The following KIAA1755 variants were observed in gnomAD, a reference collection of about 807,000 sequenced individuals.
The protein encoded by KIAA1755 is KIAA1755, also known as uncharacterized protein KIAA1755.
In KIAA1755, 68 loss-of-function variants were observed where a neutral mutation model predicts 91.7. That is an observed-to-expected ratio of 0.74 (90% CI 0.61 to 0.91). The LOEUF (loss-of-function observed/expected upper bound fraction) is 0.91. Among genes scored for constraint, KIAA1755 ranks in the 40% least tolerant of loss-of-function variants. KIAA1755 has a pLI of 0.00. For missense variants in KIAA1755, 1,535 were observed against 1,494.4 expected (o/e 1.03, Z -0.45); for synonymous variants, 610 against 604.6 (o/e 1.01, Z -0.13).
chr20:38,241,777 GCAGA>G lies in KIAA1755; in HGVS notation c.350_353del (p.Val117AlafsTer3). 2 of 1,614,214 alleles carry G rather than the reference GCAGA, an allele frequency of 1.2e-6. No homozygotes were observed. The highest frequency in any genetic ancestry group is 8.5e-7 in the Non-Finnish European group (1 of 1,180,040). ...CCAGGGAGAGGCATTTGATCATGAT[GCAGA>G]CAGACTGCTCCTCCTGGGGCTCCAC... On this transcript the variant is annotated frameshift_variant, in exon 3 of 14. Transcript: ENST00000279024. LOFTEE classifies it high-confidence loss of function.
intron 13 of KIAA1755, chr20:38,216,896 A>G (rs1193682771): frequency 1.4e-5 from 7 of 509,558 alleles, no homozygotes; most frequent in South Asian, 1.1e-4. Flanking sequence ...ATCTGTCGTC[A>G]TTTCTCTTCT....
rs777300697 is a variant in KIAA1755 at position 38,241,644 on chromosome 20, G to C, written c.487C>G (p.His163Asp). Residue 163 changes from histidine to aspartate, a missense_variant, in exon 3 of 14, where the codon CAC becomes GAC. By Grantham distance (81) the His-to-Asp change is moderately conservative. Transcript: ENST00000279024. ...INSDFEGNPL[H>D]NCLVASENGI... is the part of the protein sequence containing the mutation. ...TTTTCTGATGCTACCAAGCAGTTGT[G>C]TAGGGGATTTCCCTCAAAGTCACTG... 2 of 1,614,268 alleles carry C rather than the reference G, an allele frequency of 1.2e-6. No individual in the cohort carries two copies. Among genetic ancestry groups the C allele is most frequent in the Admixed American group, 3.3e-5 (2 of 60,034 alleles).
Position 38,246,129 on chromosome 20 carries a change from G to A in KIAA1755, c.4-3C>T. ...GCTGTGTCGAGGGATGGAGGGTCCT[G>A]TGGGGGACAGGAGGAGGGGGTGATA... is the stretch of plus-strand genomic sequence containing the variant. On this transcript the variant is annotated splice_polypyrimidine_tract_variant and splice_region_variant and intron_variant, in intron 1 of 13. Transcript: ENST00000279024. 1 of 1,612,010 alleles carries A rather than the reference G, an allele frequency of 6.2e-7. No individual in the cohort carries two copies. The highest frequency in any genetic ancestry group is 8.5e-7 in the Non-Finnish European group (1 of 1,179,410).
chr20:38,252,393 C>T (rs2076265643), intron 1 of KIAA1755, among the ~76,000 whole-genome samples: 1 of 152,168 alleles, frequency 6.6e-6, no homozygotes, highest in Non-Finnish European at 1.5e-5. Context: ...TGCCCAGGTC[C>T]CCTACTTGCA....
In KIAA1755 at chr20:38,222,509, C is replaced by T. The variant is rs764464550; in HGVS notation, c.2357G>A (p.Gly786Glu). Reference protein sequence around the residue: ...PGLLGLQREGGATLARLQHDA... With the variant: ...PGLLGLQREGEATLARLQHDA... ...ATGCTGCAGCCTGGCCAGGGTGGCT[C>T]CACCTTCCCGCTGGAGGCCCAGTAG... Residue 786 changes from glycine to glutamate, a missense_variant, in exon 10 of 14, where the codon GGA becomes GAA. Physicochemically the swap from Gly to Glu is moderately conservative, Grantham distance 98 (BLOSUM62 -2). Transcript: ENST00000279024. 33 of 1,613,694 alleles carry T rather than the reference C, an allele frequency of 2.0e-5. No homozygotes were observed. The highest frequency in any genetic ancestry group is 3.3e-4 in the Middle Eastern group (2 of 6,008).
At chr20:38,221,710 G>A (rs936352743) in intron 10 of KIAA1755, among the ~76,000 whole-genome samples, 1 of 152,206 alleles carries the variant, frequency 6.6e-6, no homozygotes, top group Non-Finnish European at 1.5e-5. Context: ...TTAGGTCTTG[G>A]TTCTGTAAAC....
intron 11 of KIAA1755, among the ~76,000 whole-genome samples, chr20:38,219,268 G>T (rs2123074844): frequency 6.6e-6 from 1 of 152,236 alleles, no homozygotes; most frequent in African/African-American, 2.4e-5. Context: ...GCAACCACAA[G>T]CAGGTAACAT....
chr20:38,218,432 C>A (rs147167248), intron 11 of KIAA1755, 66 bp from the exon 12 acceptor site: 37 of 1,592,712 alleles, frequency 2.3e-5, no homozygotes, highest in South Asian at 2.0e-4. Flanking sequence ...CCAGCTCCCC[C>A]ACTTCCTTGC....
At chr20:38,229,954 G>C (rs1241748299) in intron 5 of KIAA1755, among the ~76,000 whole-genome samples, 2 of 152,216 alleles carry the variant, frequency 1.3e-5, no homozygotes, top group Non-Finnish European at 2.9e-5. Context: ...TGACCAGCAG[G>C]TGGCAGTGAT....
intron 13 of KIAA1755, 114 bp downstream of exon 13, chr20:38,217,139 G>T: frequency 1.1e-6 from 1 of 878,286 alleles, no homozygotes; most frequent in South Asian, 1.6e-5. Context: ...TCCAAGGGAT[G>T]GGGGCGGTGT....
chr20:38,218,394 T>G (rs2075592070), intron 11 of KIAA1755, 28 bp from the exon 12 acceptor site: 12 of 1,612,824 alleles, frequency 7.4e-6, no homozygotes, highest in Non-Finnish European at 9.3e-6. Context: ...GATTTGGACA[T>G]GAGGGGCTGC....
At chr20:38,214,691 C>G (rs1231742159) in intron 13 of KIAA1755, among the ~76,000 whole-genome samples, 1 of 152,228 alleles carries the variant, frequency 6.6e-6, no homozygotes, top group Non-Finnish European at 1.5e-5. Context: ...GTCAGCCACA[C>G]CAGGCCCGCA....
At position 38,213,355 on chromosome 20, in the gene KIAA1755, G is replaced by A. The variant is rs763160889; in HGVS notation, c.3290C>T (p.Ser1097Leu). ...CTTTGGCAAATGGTCCATGCCCAGT[G>A]AGTCTAGTGGAGGCTGATCCCACCT... Reference protein sequence around the residue: ...KGRWDQPPLDSLGMDHLPKSY... With the variant: ...KGRWDQPPLDLLGMDHLPKSY... The change falls in exon 14 of 14, where the codon TCA becomes TTA. Residue 1097 changes from serine to leucine, a missense_variant. Transcript: ENST00000279024. The A allele has an allele frequency of 6.2e-6, 10 of 1,607,836 alleles. No individual in the cohort carries two copies. The Admixed American group carries it at 1.4e-4, about 22-fold the overall frequency.
chr20:38,211,696 T>A lies in KIAA1755; in HGVS notation c.*1346A>T, dbSNP rs1205949325. The A allele has an allele frequency of 6.6e-6, 1 of 152,212 alleles. No individual in the cohort carries two copies. Among genetic ancestry groups the A allele is most frequent in the African/African-American group, 2.4e-5 (1 of 41,432 alleles). The allele number at this position is 152,212 out of a possible 1,614,324, so 9.4% of individuals were successfully genotyped here. A position where few individuals can be genotyped will look rare whatever the true frequency, so the allele number is the denominator to read the frequency against. Reference sequence around the variant, plus strand: ...GGAGGGACCTCTAAGGCGGAGAGGATTCTCTCTGGAGGACAAGGACAAGGT... The same window carrying A: ...GGAGGGACCTCTAAGGCGGAGAGGAATCTCTCTGGAGGACAAGGACAAGGT... On this transcript the variant is annotated 3_prime_UTR_variant, in exon 14 of 14. Transcript: ENST00000279024.
chr20:38,249,155 C>T (rs1339880458), intron 1 of KIAA1755, among the ~76,000 whole-genome samples: 4 of 152,176 alleles, frequency 2.6e-5, no homozygotes, highest in Non-Finnish European at 5.9e-5. Flanking sequence ...GGATTAGAGG[C>T]ATGAACCACC....
At chr20:38,232,595 T>C (rs1357636148) in intron 4 of KIAA1755, among the ~76,000 whole-genome samples, 5 of 147,638 alleles carry the variant, frequency 3.4e-5, no homozygotes, top group Admixed American at 2.0e-4. Flanking sequence ...GCCACTGCAC[T>C]CCAGCCTGGG....
At chr20:38,227,094 C>A (rs981591464) in intron 7 of KIAA1755, 60 bp downstream of exon 7, 1 of 1,305,754 alleles carries the variant, frequency 7.7e-7, no homozygotes, top group South Asian at 1.2e-5. Flanking sequence ...CTCCTTAACC[C>A]CAGCTCAGCT....
chr20:38,260,554 T>G lies in KIAA1755; in HGVS notation c.-54A>C. The G allele has an allele frequency of 8.8e-6, 13 of 1,477,806 alleles. No individual in the cohort carries two copies. The highest frequency in any genetic ancestry group is 1.4e-5 in the African/African-American group (1 of 69,384). The allele number at this position is 1,477,806 out of a possible 1,614,324, so 91.5% of individuals were successfully genotyped here. A position where few individuals can be genotyped will look rare whatever the true frequency, so the allele number is the denominator to read the frequency against. ...CGGCTCCTCTCCTGGGCGCGGGGTC[T>G]GTGGGTCCGCGGGTCCGTCTGTCTG... On this transcript the variant is annotated 5_prime_UTR_variant, in exon 1 of 14. Transcript: ENST00000279024.
intron 1 of KIAA1755, among the ~76,000 whole-genome samples, chr20:38,249,817 A>G (rs1440497231): frequency 6.6e-6 from 1 of 151,084 alleles, no homozygotes; most frequent in Non-Finnish European, 1.5e-5. Flanking sequence ...CCCACCAATC[A>G]TGGTCAAACT....
Sources: allele counts gnomAD v4.1 joint callset (sites outside exome capture counted in the v4.1 genomes callset), GRCh38; gene constraint gnomAD v4.1.1; transcripts MANE v1.5; gene names NCBI Gene and HGNC (gene_info 2026-07-23, HGNC 2026-07-21).